The following ROBO2 variants were observed in gnomAD, a reference collection of about 807,000 sequenced individuals.
ROBO2 encodes roundabout homolog 2.
ROBO2 carries 53 observed loss-of-function variants against 160.8 expected under a neutral mutation model. The ratio of observed to expected loss-of-function variants is 0.33; its 90% CI spans 0.26 to 0.41. The LOEUF (loss-of-function observed/expected upper bound fraction) is 0.41, where lower values mean the gene tolerates loss of function less well. ROBO2 is among the 10% of genes least tolerant of loss of function. The pLI is 1.00. For synonymous variants in ROBO2, 664 were observed against 611.7 expected (o/e 1.09, Z -1.26); for missense variants, 1,577 against 1,722.4 (o/e 0.92, Z 1.49).
chr3:77,467,957 A>G (rs928909939), intron 2 of ROBO2, among the ~76,000 whole-genome samples: 2 of 152,190 alleles, frequency 1.3e-5, no homozygotes, highest in Admixed American at 6.5e-5. Context: ...CAGCTGAGCA[A>G]GACATTGCCT....
chr3:76,480,981 A>C (rs943594599), intron 2 of ROBO2, among the ~76,000 whole-genome samples: 3 of 152,174 alleles, frequency 2.0e-5, no homozygotes, highest in Non-Finnish European at 2.9e-5. Context: ...GATTGTATGG[A>C]GTTATTAAAT....
At chr3:77,024,842 C>A (rs1023304687) in intron 2 of ROBO2, among the ~76,000 whole-genome samples, 1 of 151,996 alleles carries the variant, frequency 6.6e-6, no homozygotes, top group Non-Finnish European at 1.5e-5. Context: ...GGAGTTAATT[C>A]CATATTGGAG....
intron 17 of ROBO2, among the ~76,000 whole-genome samples, chr3:77,590,866 C>A (rs1269498575): frequency 6.6e-6 from 1 of 152,016 alleles, no homozygotes; most frequent in Non-Finnish European, 1.5e-5. Context: ...TTGAGCTTGA[C>A]AAGAATAGTG....
chr3:76,964,343 T>G (rs762531379), intron 2 of ROBO2, among the ~76,000 whole-genome samples: 1 of 152,156 alleles, frequency 6.6e-6, no homozygotes, highest in Admixed American at 6.5e-5. Context: ...TGTTTTGTTT[T>G]GTTTTGTTTT....
At chr3:76,649,864 T>G (rs948954608) in intron 2 of ROBO2, among the ~76,000 whole-genome samples, 1 of 152,140 alleles carries the variant, frequency 6.6e-6, no homozygotes, top group African/African-American at 2.4e-5. Context: ...ATTAACAAAC[T>G]GTTTAAAAAT....
At chr3:76,548,785 G>A (rs1056735193) in intron 2 of ROBO2, among the ~76,000 whole-genome samples, 57 of 152,038 alleles carry the variant, frequency 3.7e-4, no homozygotes, top group African/African-American at 1.3e-3. Flanking sequence ...AAAGAGGGAC[G>A]CTAATGACAA....
intron 5 of ROBO2, among the ~76,000 whole-genome samples, chr3:77,496,022 C>A (rs1439862166): frequency 6.6e-6 from 1 of 152,106 alleles, no homozygotes; most frequent in Non-Finnish European, 1.5e-5. Context: ...ACATATAAAT[C>A]AAACAACAGC....
intron 1 of ROBO2, among the ~76,000 whole-genome samples, chr3:77,069,770 C>T (rs1405384217): frequency 6.6e-6 from 1 of 152,094 alleles, no homozygotes; most frequent in Non-Finnish European, 1.5e-5. Flanking sequence ...TTGATAGAGT[C>T]CTTGAGGGGG....
intron 2 of ROBO2, among the ~76,000 whole-genome samples, chr3:77,120,087 T>A (rs548459151): frequency 2.6e-5 from 4 of 152,344 alleles, no homozygotes; most frequent in Admixed American, 1.3e-4. Context: ...TTTTGAATCA[T>A]CAACAACCTT....
chr3:77,414,958 T>TA (rs1426175833), intron 2 of ROBO2, among the ~76,000 whole-genome samples: 1 of 152,158 alleles, frequency 6.6e-6, no homozygotes, highest in African/African-American at 2.4e-5. Context: ...CTCCTGAAGA[T>TA]TATTAAGACT....
chr3:76,814,903 G>A (rs562135302), intron 2 of ROBO2, among the ~76,000 whole-genome samples: 2 of 151,900 alleles, frequency 1.3e-5, no homozygotes, highest in Non-Finnish European at 2.9e-5. Flanking sequence ...GGGTGGGAGA[G>A]GAAGTCATTT....
chr3:76,060,698 A>T (rs1374907960), intron 2 of ROBO2, among the ~76,000 whole-genome samples: 2 of 152,188 alleles, frequency 1.3e-5, no homozygotes, highest in Non-Finnish European at 2.9e-5. Flanking sequence ...TTTTTGCTTA[A>T]GGTGTCACAC....
chr3:76,515,724 T>C (rs2081317963), intron 2 of ROBO2, among the ~76,000 whole-genome samples: 1 of 152,198 alleles, frequency 6.6e-6, no homozygotes, highest in African/African-American at 2.4e-5. Context: ...TTATTGTCTT[T>C]AATATTGTTG....
chr3:76,578,404 G>A (rs2085448362), intron 2 of ROBO2, among the ~76,000 whole-genome samples: 1 of 151,982 alleles, frequency 6.6e-6, no homozygotes, highest in African/African-American at 2.4e-5. Context: ...ACACAGGCTG[G>A]CTTCACCTCT....
At chr3:77,098,471 C>A in intron 2 of ROBO2, 131 bp downstream of exon 2, 1 of 946,834 alleles carries the variant, frequency 1.1e-6, no homozygotes, top group Admixed American at 2.0e-5. Context: ...TGGTCTTCTT[C>A]AGAGAAGTCT....
intron 2 of ROBO2, among the ~76,000 whole-genome samples, chr3:76,197,126 C>A (rs1255219835): frequency 6.6e-6 from 1 of 151,164 alleles, no homozygotes; most frequent in Admixed American, 6.6e-5. Context: ...ATCAGTCTCT[C>A]TATAGATTTG....
At chr3:77,467,535 A>G (rs1261399134) in intron 2 of ROBO2, among the ~76,000 whole-genome samples, 2 of 152,156 alleles carry the variant, frequency 1.3e-5, no homozygotes, top group Non-Finnish European at 2.9e-5. Flanking sequence ...CATCCTGTAA[A>G]TGTAAATTCT....
intron 2 of ROBO2, among the ~76,000 whole-genome samples, chr3:76,188,386 G>A (rs189143654): frequency 2.1e-4 from 32 of 152,098 alleles, no homozygotes; most frequent in African/African-American, 3.4e-4. Context: ...CAAAGGAGAC[G>A]GGCATGTCAT....
chr3:76,283,226 AT>A (rs1323405709), intron 2 of ROBO2, among the ~76,000 whole-genome samples: 2 of 141,528 alleles, frequency 1.4e-5, no homozygotes, highest in African/African-American at 5.1e-5. Context: ...ATCTGTAATA[AT>A]TCAGTCAGAC....
Sources: allele counts gnomAD v4.1 joint callset (sites outside exome capture counted in the v4.1 genomes callset), GRCh38; gene constraint gnomAD v4.1.1; transcripts MANE v1.5; gene names NCBI Gene and HGNC (gene_info 2026-07-23, HGNC 2026-07-21).